Variants in RGL1 observed in about 807,000 individuals in gnomAD.
RGL1 encodes ral guanine nucleotide dissociation stimulator like 1.
Under a neutral mutation model 95.2 loss-of-function variants are expected in RGL1, and 24 were observed. The observed-to-expected ratio is 0.25, with a 90% confidence interval of 0.18 to 0.35. The LOEUF is 0.35. RGL1 is among the 10% of genes least tolerant of loss of function. RGL1 has a pLI of 1.00. For synonymous variants in RGL1, 329 were observed against 344.9 expected (o/e 0.95, Z 0.51); for missense variants, 715 against 936.3 (o/e 0.76, Z 3.08).
Position 183,740,591 on chromosome 1 carries a change from A to T in RGL1, c.-32-1535A>T, listed in dbSNP as rs1013305724. Reference sequence around the variant, plus strand: ...TTTGCAGACGTGATTCCTTGAAGACATTTCCATGAAAACCAGCCTGTTGTT... The same window carrying T: ...TTTGCAGACGTGATTCCTTGAAGACTTTTCCATGAAAACCAGCCTGTTGTT... On this transcript the variant is annotated intron_variant, in intron 1 of 18. Transcript: ENST00000304685. Among the ~76,000 whole-genome samples, 181 of 152,334 alleles carry T rather than the reference A, an allele frequency of 1.2e-3. 2 individuals are homozygous for T. The highest frequency in any genetic ancestry group is 0.012 in the Admixed American group (180 of 15,300).
chr1:183,773,151 A>G (rs1030128372), intron 2 of RGL1, among the ~76,000 whole-genome samples: 5 of 150,624 alleles, frequency 3.3e-5, no homozygotes, highest in African/African-American at 1.2e-4. Flanking sequence ...ATTTTCCCTG[A>G]TCTCTCTGCA....
rs760096535 is a variant in RGL1, at chr1:183,766,072, AAAGTATAATAAT to A, written c.132+23786_132+23797del. ...GTTGTGCATATGTACCCTAAAACTT[AAAGTATAATAAT>A]AATAAAATTAAAAAAAAAAAAGAAA... On this transcript the variant is annotated intron_variant, in intron 2 of 18. Coordinates refer to the RGL1 transcript ENST00000304685. Among the ~76,000 whole-genome samples the A allele has an allele frequency of 3.3e-5, 5 of 151,882 alleles. No individual in the cohort carries two copies. The East Asian group carries it at 9.6e-4, about 29-fold the overall frequency.
chr1:183,744,511 G>T (rs753949569), intron 2 of RGL1, among the ~76,000 whole-genome samples: 2 of 152,072 alleles, frequency 1.3e-5, no homozygotes, highest in Admixed American at 1.3e-4. Context: ...TGCACCCTAG[G>T]CTTGATGCTT....
At chr1:183,805,971 C>CTTTTCTTTTCTT (rs1661282214) in intron 1 of RGL1, among the ~76,000 whole-genome samples, 1 of 74,676 alleles carries the variant, frequency 1.3e-5, no homozygotes, top group African/African-American at 5.1e-5. Context: ...CTTTTCTTTT[C>CTTTTCTTTTCTT]TTTTTTTTTT....
intron 8 of RGL1, among the ~76,000 whole-genome samples, chr1:183,891,610 C>G (rs1417447037): frequency 1.3e-5 from 2 of 152,236 alleles, no homozygotes; most frequent in African/African-American, 4.8e-5. Flanking sequence ...GCTTCCATAC[C>G]TACAACCCTC....
intron 1 of RGL1, among the ~76,000 whole-genome samples, chr1:183,671,218 T>G (rs1000855700): frequency 7.2e-5 from 11 of 152,164 alleles, no homozygotes; most frequent in African/African-American, 2.7e-4. Context: ...ATGTAGAAAT[T>G]ATGGGGATTA....
At chr1:183,664,546 A>C (rs79987605) in intron 1 of RGL1, among the ~76,000 whole-genome samples, 1,950 of 149,182 alleles carry the variant, frequency 0.013, 52 homozygotes, top group African/African-American at 0.046. Flanking sequence ...AACCCAGAGC[A>C]CTCTAACTCT....
At chr1:183,803,788 T>C (rs1661118740), upstream of RGL1, among the ~76,000 whole-genome samples, 1 of 152,192 alleles carries the variant, frequency 6.6e-6, no homozygotes, top group Non-Finnish European at 1.5e-5. Flanking sequence ...CCTGGGTTCC[T>C]GAGGATGGCT....
chr1:183,889,135 G>A (rs1029228996), intron 8 of RGL1, among the ~76,000 whole-genome samples: 5 of 152,082 alleles, frequency 3.3e-5, no homozygotes, highest in African/African-American at 7.2e-5. Context: ...TGGTGCAACC[G>A]TTGGAATAAT....
At chr1:183,837,011 C>T (rs987741647) in intron 2 of RGL1, among the ~76,000 whole-genome samples, 3 of 152,120 alleles carry the variant, frequency 2.0e-5, no homozygotes, top group African/African-American at 4.8e-5. Context: ...CCATAGGAAT[C>T]GCCTAGGTAG....
chr1:183,668,611 C>A (rs1381015235), intron 1 of RGL1, among the ~76,000 whole-genome samples: 1 of 151,942 alleles, frequency 6.6e-6, no homozygotes, highest in South Asian at 2.1e-4. Context: ...CACCTGGCTG[C>A]GATTTTTTCT....
intron 9 of RGL1, among the ~76,000 whole-genome samples, chr1:183,897,470 AC>A (rs1240518335): frequency 1.3e-5 from 2 of 151,996 alleles, no homozygotes; most frequent in African/African-American, 4.8e-5. Context: ...AATCACTTGA[AC>A]CTGGGAGGCA....
chr1:183,680,333 G>A (rs1653125431), intron 1 of RGL1, among the ~76,000 whole-genome samples: 1 of 152,000 alleles, frequency 6.6e-6, no homozygotes, highest in East Asian at 1.9e-4. Context: ...TTTCTTCTAG[G>A]GTTTTTATGT....
intron 2 of RGL1, among the ~76,000 whole-genome samples, chr1:183,796,643 T>C (rs1660717219): frequency 1.3e-5 from 2 of 152,222 alleles, no homozygotes; most frequent in Admixed American, 1.3e-4. Context: ...TACTTTGTTA[T>C]AGAAGTTCTA....
chr1:183,736,266 C>T (rs192118832), intron 1 of RGL1, among the ~76,000 whole-genome samples: 4 of 152,294 alleles, frequency 2.6e-5, no homozygotes, highest in Admixed American at 2.0e-4. Flanking sequence ...AGTTTGGAGC[C>T]TTCAGTTCTT....
At chr1:183,766,177 C>T (rs1393079555) in intron 2 of RGL1, among the ~76,000 whole-genome samples, 4 of 151,924 alleles carry the variant, frequency 2.6e-5, no homozygotes, top group Admixed American at 6.6e-5. Context: ...TAGGCCGAGG[C>T]GGGCGGATCA....
chr1:183,915,067 T>A (rs1190855869), intron 15 of RGL1, among the ~76,000 whole-genome samples: 1 of 152,090 alleles, frequency 6.6e-6, no homozygotes. Context: ...CCCCTACCCA[T>A]GAGAATTGTC....
At position 183,905,969 on chromosome 1, in the gene RGL1, A is replaced by G. The variant is rs188607601; in HGVS notation, c.1472+998A>G. Among the ~76,000 whole-genome samples the G allele has an allele frequency of 1.6e-3, 248 of 152,296 alleles. 1 individual carries two copies. Among genetic ancestry groups the G allele is most frequent in the Non-Finnish European group, 2.9e-3 (197 of 68,026 alleles). On this transcript the variant is annotated intron_variant, in intron 13 of 17. Transcript: ENST00000360851. ...TGTAAAGACAGAGTTGAGTAGTTGC[A>G]ACAGAGACCATATGGCCCACAAAGC...
intron 2 of RGL1, among the ~76,000 whole-genome samples, chr1:183,831,675 T>C (rs1663266073): frequency 6.6e-6 from 1 of 152,200 alleles, no homozygotes; most frequent in Non-Finnish European, 1.5e-5. Flanking sequence ...CAAGTAAAGG[T>C]TATTTAGGGA....
Sources: allele counts gnomAD v4.1 joint callset (sites outside exome capture counted in the v4.1 genomes callset), GRCh38; gene constraint gnomAD v4.1.1; transcripts MANE v1.5; gene names NCBI Gene and HGNC (gene_info 2026-07-23, HGNC 2026-07-21).